CDKL3: variants seen among roughly 807,000 people sequenced by gnomAD.
CDKL3 encodes cyclin dependent kinase like 3, also known as cyclin-dependent kinase-like 3.
In CDKL3, 65 loss-of-function variants were observed where a neutral mutation model predicts 69.3. The ratio of observed to expected loss-of-function variants is 0.94; its 90% CI spans 0.77 to 1.15. The LOEUF is 1.15. CDKL3 is among the 50% of genes most tolerant of loss of function. CDKL3 has a pLI of 0.00. For missense variants in CDKL3, 652 were observed against 689.2 expected, an observed-to-expected ratio of 0.95 and a Z score of 0.61; for synonymous variants, 202 against 221.6, an observed-to-expected ratio of 0.91 and a Z score of 0.79.
At chr5:134,348,867 A>G (rs959514352) in intron 4 of CDKL3, among the ~76,000 whole-genome samples, 3 of 152,110 alleles carry the variant, frequency 2.0e-5, no homozygotes, top group African/African-American at 7.2e-5. Context: ...CTCATCACAA[A>G]CCTATGAAGT....
At chr5:134,293,029 T>C (rs1765192889) in intron 8 of CDKL3, among the ~76,000 whole-genome samples, 1 of 114,282 alleles carries the variant, frequency 8.8e-6, no homozygotes, top group Admixed American at 9.6e-5. Flanking sequence ...TTTTTTTTTT[T>C]TTTTTTTTGA....
chr5:134,302,028 A>G, intron 12 of CDKL3: 1 of 402,546 alleles, frequency 2.5e-6, no homozygotes, highest in Non-Finnish European at 5.0e-6. Context: ...CTCTCTCTTA[A>G]AAGACTGTCT....
At chr5:134,364,121 A>G (rs1756772711) in intron 2 of CDKL3, among the ~76,000 whole-genome samples, 1 of 152,190 alleles carries the variant, frequency 6.6e-6, no homozygotes, top group African/African-American at 2.4e-5. Flanking sequence ...AAGATCATAA[A>G]CCTTAAAGGA....
chr5:134,333,322 G>C lies in CDKL3; in HGVS notation c.540-11419C>G, dbSNP rs577149851. 2.4e-3 allele frequency among the ~76,000 whole-genome samples: 373 copies of C among 152,280 alleles called. 2 individuals are homozygous for C. Among genetic ancestry groups the C allele is most frequent in the Non-Finnish European group, 4.1e-3 (279 of 68,020 alleles). Reference sequence around the variant, plus strand: ...TACCCTTTATTTCTTTCTCTTGCCTGATTGCCCTGGCCAGAACTTCCAATA... The same window carrying C: ...TACCCTTTATTTCTTTCTCTTGCCTCATTGCCCTGGCCAGAACTTCCAATA... On this transcript the variant is annotated intron_variant, in intron 4 of 12. Coordinates refer to ENST00000265334, the MANE Select transcript of CDKL3 (RefSeq NM_001113575.2).
chr5:134,323,367 A>G (rs1312861242), intron 4 of CDKL3, among the ~76,000 whole-genome samples: 1 of 152,244 alleles, frequency 6.6e-6, no homozygotes, highest in Non-Finnish European at 1.5e-5. Context: ...ATTGTTTTGT[A>G]GATATTGACA....
intron 4 of CDKL3, among the ~76,000 whole-genome samples, chr5:134,324,258 C>T (rs7444538): frequency 0.97 from 147,462 of 152,354 alleles, 71,527 homozygotes; most frequent in Middle Eastern, 1. Context: ...CACAAAATTA[C>T]ACAGTCACTT....
At chr5:134,327,640 G>C (rs1405414233) in intron 4 of CDKL3, among the ~76,000 whole-genome samples, 1 of 112,954 alleles carries the variant, frequency 8.9e-6, no homozygotes, top group Non-Finnish European at 1.7e-5. Flanking sequence ...AAGAACCAGG[G>C]AATAACACAG....
At chr5:134,338,413 G>A (rs1289855794) in intron 4 of CDKL3, among the ~76,000 whole-genome samples, 1 of 152,146 alleles carries the variant, frequency 6.6e-6, no homozygotes, top group African/African-American at 2.4e-5. Context: ...GTAAAGGCCA[G>A]GTGTGGTGGC....
downstream of CDKL3, among the ~76,000 whole-genome samples, chr5:134,283,715 C>G (rs948701431): frequency 3.3e-5 from 5 of 152,052 alleles, no homozygotes; most frequent in Admixed American, 3.3e-4. Context: ...CAACAGTCCC[C>G]CAAAGTCTTA....
At chr5:134,311,403 C>A (rs1561524972) in intron 7 of CDKL3, among the ~76,000 whole-genome samples, 1 of 151,998 alleles carries the variant, frequency 6.6e-6, no homozygotes, top group African/African-American at 2.4e-5. Context: ...TACTCTGGAG[C>A]CTGAGGCAGG....
chr5:134,287,726 A>G (rs1025445940), intron 8 of CDKL3, among the ~76,000 whole-genome samples: 1 of 152,118 alleles, frequency 6.6e-6, no homozygotes, highest in Admixed American at 6.6e-5. Flanking sequence ...CACAGGCTGC[A>G]CCCAAAGCCA....
intron 8 of CDKL3, among the ~76,000 whole-genome samples, chr5:134,286,936 T>C (rs1209149468): frequency 2.0e-5 from 3 of 152,188 alleles, no homozygotes; most frequent in Non-Finnish European, 2.9e-5. Context: ...ATATAGAGAC[T>C]GTAGCTTCAG....
intron 2 of CDKL3, among the ~76,000 whole-genome samples, chr5:134,363,930 C>G (rs1045312992): frequency 4.9e-5 from 7 of 142,886 alleles, no homozygotes; most frequent in African/African-American, 1.9e-4. Flanking sequence ...TGCGCTGCAG[C>G]CTGGGCAACA....
chr5:134,337,993 A>AC (rs770829570), intron 4 of CDKL3, among the ~76,000 whole-genome samples: 9 of 152,076 alleles, frequency 5.9e-5, no homozygotes, highest in Non-Finnish European at 1.2e-4. Flanking sequence ...CTTTTTGAAG[A>AC]CCCCTCATAC....
chr5:134,335,268 C>T (rs1388133881), intron 4 of CDKL3, among the ~76,000 whole-genome samples: 1 of 151,664 alleles, frequency 6.6e-6, no homozygotes, highest in African/African-American at 2.4e-5. Context: ...GGTCTTGACT[C>T]TTTAACCAAT....
chr5:134,296,043 C>G (rs1195667531), downstream of CDKL3, among the ~76,000 whole-genome samples: 1 of 152,030 alleles, frequency 6.6e-6, no homozygotes, highest in Non-Finnish European at 1.5e-5. Flanking sequence ...ACGACAGGTG[C>G]CCACCACCAC....
intron 6 of CDKL3, among the ~76,000 whole-genome samples, chr5:134,315,208 G>A (rs769341778): frequency 6.6e-6 from 1 of 151,108 alleles, no homozygotes; most frequent in African/African-American, 2.4e-5. Context: ...GATGATACTA[G>A]TTGTTAAAAA....
chr5:134,353,857 C>T (rs1753904261), intron 3 of CDKL3, among the ~76,000 whole-genome samples: 1 of 152,116 alleles, frequency 6.6e-6, no homozygotes, highest in Admixed American at 6.6e-5. Flanking sequence ...CGTGCCTAGC[C>T]TGATCATGTC....
chr5:134,324,701 G>A (rs752197595), intron 4 of CDKL3, among the ~76,000 whole-genome samples: 40 of 149,664 alleles, frequency 2.7e-4, no homozygotes, highest in Non-Finnish European at 5.0e-4. Context: ...GGAGAGGGAC[G>A]GAAGAATAAA....
Sources: gnomAD v4.1 joint callset for allele counts (sites outside exome capture counted in the v4.1 genomes callset) on GRCh38, gnomAD v4.1.1 for gene constraint, MANE v1.5 for transcripts, NCBI Gene and HGNC (gene_info 2026-07-23, HGNC 2026-07-21) for gene names.